The following ERG variants were observed in gnomAD, a reference collection of about 807,000 sequenced individuals.
ERG encodes transcriptional regulator ERG.
A neutral mutation model predicts 55.3 loss-of-function variants in ERG; 9 were observed. The ratio of observed to expected loss-of-function variants is 0.16; its 90% CI spans 0.10 to 0.28. The LOEUF (loss-of-function observed/expected upper bound fraction) is 0.28. ERG is among the 10% of genes least tolerant of loss of function. The pLI, the probability that ERG is intolerant of heterozygous loss-of-function variation, is 1.00. For synonymous variants in ERG, 223 were observed against 237.3 expected, an observed-to-expected ratio of 0.94 and a Z score of 0.55; for missense variants, 434 against 631.6, an observed-to-expected ratio of 0.69 and a Z score of 3.35.
intron 1 of ERG, among the ~76,000 whole-genome samples, chr21:38,497,680 G>C (rs2059390785): frequency 6.6e-6 from 1 of 152,122 alleles, no homozygotes. Context: ...ACAGAGAACC[G>C]ACCGGCCATT....
intron 3 of ERG, among the ~76,000 whole-genome samples, chr21:38,412,646 T>G (rs951850262): frequency 6.6e-6 from 1 of 152,178 alleles, no homozygotes; most frequent in African/African-American, 2.4e-5. Flanking sequence ...TGAAGTGAGG[T>G]TCAATTAGCA....
chr21:38,400,552 T>C (rs749378399), intron 6 of ERG, 22 bp downstream of exon 6: 1 of 1,583,338 alleles, frequency 6.3e-7, no homozygotes, highest in South Asian at 1.1e-5. Flanking sequence ...AATGAAGAGA[T>C]CACACAGGGG....
intron 1 of ERG, among the ~76,000 whole-genome samples, chr21:38,446,933 TC>T (rs931755712): frequency 6.6e-6 from 1 of 152,088 alleles, no homozygotes; most frequent in Admixed American, 6.5e-5. Context: ...GACATTTTTT[TC>T]CTTTGGGACA....
chr21:38,470,524 C>A (rs2059129925), intron 1 of ERG, among the ~76,000 whole-genome samples: 1 of 152,116 alleles, frequency 6.6e-6, no homozygotes, highest in Admixed American at 6.5e-5. Flanking sequence ...GTCATAATTG[C>A]ATTTACCTTA....
chr21:38,509,540 G>A (rs899548592), intron 2 of ERG, among the ~76,000 whole-genome samples: 1 of 152,058 alleles, frequency 6.6e-6, no homozygotes, highest in African/African-American at 2.4e-5. Context: ...TAAATGTAGA[G>A]GTGCCTCAGG....
In ERG at chr21:38,445,633, A is replaced by G. The variant is rs778849720; in HGVS notation, c.19-12T>C. 6.2e-7 allele frequency: 1 copy of G among 1,609,476 alleles called. No individual in the cohort carries two copies. Among genetic ancestry groups the G allele is most frequent in the Non-Finnish European group, 8.5e-7 (1 of 1,175,914 alleles). On this transcript the variant is annotated splice_polypyrimidine_tract_variant and intron_variant, in intron 1 of 9. Transcript: ENST00000288319. ...ACTGATAAGGCTTCCTGAATGCCCAAAGAAACACATAATTCAAGACACTCC... is the reference window on the plus strand; with the variant it reads ...ACTGATAAGGCTTCCTGAATGCCCAGAGAAACACATAATTCAAGACACTCC...
rs1987528158 is a variant in ERG at position 38,383,252 on chromosome 21, G to A, written c.*151C>T. Reference sequence around the variant, plus strand: ...TAAGACTTCAGTAACTCCCTCCCAAGAGTCTTTGGATCTCTTCCCCGGCTT... The same window carrying A: ...TAAGACTTCAGTAACTCCCTCCCAAAAGTCTTTGGATCTCTTCCCCGGCTT... On this transcript the variant is annotated 3_prime_UTR_variant, in exon 10 of 10. Transcript: ENST00000288319. This position sits in a 1 kb window ranked among gnomAD's most constrained non-coding sequence, Gnocchi z 5.7. 3 of 1,323,798 alleles carry A rather than the reference G, an allele frequency of 2.3e-6. No homozygotes were observed. The highest frequency in any genetic ancestry group is 2.9e-6 in the Non-Finnish European group (3 of 1,037,100). 82.0% of individuals were successfully genotyped at this position (1,323,798 alleles called of 1,614,324 possible).
chr21:38,601,965 T>C (rs1263751717), intron 1 of ERG, among the ~76,000 whole-genome samples: 2 of 152,050 alleles, frequency 1.3e-5, no homozygotes, highest in Admixed American at 1.3e-4. Context: ...CACTGCAACC[T>C]CCACCTCCCA....
At chr21:38,482,338 T>A (rs1011597396) in intron 1 of ERG, among the ~76,000 whole-genome samples, 46 of 152,218 alleles carry the variant, frequency 3.0e-4, no homozygotes, top group African/African-American at 9.7e-4. Context: ...CCTGTTCAGA[T>A]GGCTATGGTC....
rs1021025005 is a variant in ERG at position 38,431,507 on chromosome 21, ATAAT to A, written c.237-7950_237-7947del. Among the ~76,000 whole-genome samples the A allele has an allele frequency of 4.9e-4, 74 of 152,340 alleles. 1 individual carries two copies. The Middle Eastern group carries it at 0.01, about 21-fold the overall frequency. ...CATATAAGACAAAATGATAACATAA[ATAAT>A]TAACAGAATAAAAATGAGGAAACAA... On this transcript the variant is annotated intron_variant, in intron 2 of 9. Coordinates refer to ENST00000288319, the MANE Select transcript of ERG (RefSeq NM_182918.4).
chr21:38,595,807 C>T (rs1449291972), intron 1 of ERG, among the ~76,000 whole-genome samples: 1 of 152,186 alleles, frequency 6.6e-6, no homozygotes, highest in African/African-American at 2.4e-5. Context: ...GGCCATCTGG[C>T]TTCCCACACA....
rs137974292 is a variant in ERG, at chr21:38,537,809, G to A, written c.-41+37853C>T. ...AATTAACATATGATTCACCAATTCCGCATGAAGATAGCAGGAAATTGAACT... is the reference window on the plus strand; with the variant it reads ...AATTAACATATGATTCACCAATTCCACATGAAGATAGCAGGAAATTGAACT... On this transcript the variant is annotated intron_variant, in intron 2 of 8. Coordinates refer to the ERG transcript ENST00000398897. Among the ~76,000 whole-genome samples the A allele has an allele frequency of 5.8e-3, 878 of 152,224 alleles. 7 individuals are homozygous for A. The highest frequency in any genetic ancestry group is 0.02 in the African/African-American group (815 of 41,546).
At chr21:38,428,818 AT>A (rs1037021662) in intron 2 of ERG, among the ~76,000 whole-genome samples, 8 of 152,148 alleles carry the variant, frequency 5.3e-5, no homozygotes, top group African/African-American at 1.7e-4. Flanking sequence ...AAATTTCTTT[AT>A]TGCAAATAAG....
At chr21:38,558,419 C>G (rs1043469682) in intron 2 of ERG, among the ~76,000 whole-genome samples, 2 of 152,152 alleles carry the variant, frequency 1.3e-5, no homozygotes, top group Non-Finnish European at 2.9e-5. Context: ...TTCTTTAAGA[C>G]AGGGTGAATC....
intron 3 of ERG, among the ~76,000 whole-genome samples, chr21:38,415,191 T>C (rs983226201): frequency 6.6e-6 from 1 of 152,226 alleles, no homozygotes; most frequent in Admixed American, 6.5e-5. Context: ...TGATTGGCTG[T>C]GACATATTTG....
intron 1 of ERG, among the ~76,000 whole-genome samples, chr21:38,497,601 C>T (rs1447725890): frequency 6.6e-6 from 1 of 152,132 alleles, no homozygotes; most frequent in Admixed American, 6.5e-5. Context: ...TTTACCTCCA[C>T]ATTAATCTCT....
intron 2 of ERG, among the ~76,000 whole-genome samples, chr21:38,429,362 A>G (rs1990006554): frequency 7.4e-6 from 1 of 135,904 alleles, no homozygotes; most frequent in Non-Finnish European, 1.6e-5. Context: ...ATACATATAT[A>G]ATATGTACAC....
In ERG at chr21:38,561,077, T is replaced by C. The variant is rs527811478; in HGVS notation, c.-41+14585A>G. Among the ~76,000 whole-genome samples, 7 of 152,336 alleles carry C rather than the reference T, an allele frequency of 4.6e-5. No individual in the cohort carries two copies. In the South Asian group the frequency reaches 1.2e-3, roughly 27 times the overall value. ...CAGAGCCACATTTCTTCACATGGTA[T>C]GTTTTACCTAACCTAAGGGTTATGT... On this transcript the variant is annotated intron_variant, in intron 2 of 8. Transcript: ENST00000398897.
At chr21:38,427,883 T>A (rs1168379120) in intron 2 of ERG, among the ~76,000 whole-genome samples, 1 of 152,140 alleles carries the variant, frequency 6.6e-6, no homozygotes, top group African/African-American at 2.4e-5. Context: ...TTCAGAGATA[T>A]CTGCTTTACT....
Sources: gnomAD v4.1 joint callset for allele counts (sites outside exome capture counted in the v4.1 genomes callset) on GRCh38, gnomAD v4.1.1 for gene constraint, Gnocchi (gnomAD v3.1) non-coding constraint, MANE v1.5 for transcripts, NCBI Gene and HGNC (gene_info 2026-07-23, HGNC 2026-07-21) for gene names.